Variants in PCDHA9 observed in about 807,000 individuals in gnomAD.
The protein encoded by PCDHA9 is protocadherin alpha-9.
PCDHA9 carries 62 observed loss-of-function variants against 62.0 expected under a neutral mutation model. The ratio of observed to expected loss-of-function variants is 1.00; its 90% CI spans 0.81 to 1.23. The LOEUF (loss-of-function observed/expected upper bound fraction) is 1.23, where lower values mean the gene tolerates loss of function less well. Ranked by LOEUF, PCDHA9 falls within the 50% of genes most tolerant of loss-of-function variation. The pLI, the probability that PCDHA9 is intolerant of heterozygous loss-of-function variation, is 0.00. For missense variants in PCDHA9, 1,205 were observed against 1,249.8 expected, an observed-to-expected ratio of 0.96 and a Z score of 0.54; for synonymous variants, 557 against 567.6, an observed-to-expected ratio of 0.98 and a Z score of 0.27.
chr5:140,883,731 C>A, intron 1 of PCDHA9: 1 of 1,613,446 alleles, frequency 6.2e-7, no homozygotes, highest in Non-Finnish European at 8.5e-7. Flanking sequence ...CAGGAGAACG[C>A]GCTGGTCTCC....
At chr5:140,928,397 C>T in intron 1 of PCDHA9, 1 of 1,614,082 alleles carries the variant, frequency 6.2e-7, no homozygotes, top group East Asian at 2.2e-5. Context: ...GCAGTGGAAT[C>T]ATCCAGTGGG....
intron 3 of PCDHA9, among the ~76,000 whole-genome samples, chr5:141,005,701 CAAAAAAAAAAAAAAAAAA>C (rs59860837): frequency 2.6e-4 from 2 of 7,786 alleles, no homozygotes; most frequent in Non-Finnish European, 5.4e-4. Flanking sequence ...AACTCCGTCT[CAAAAAAAAAAAAAAAAAA>C]AAAAAAAAAA....
At chr5:140,921,943 T>C (rs2080514176) in intron 1 of PCDHA9, among the ~76,000 whole-genome samples, 1 of 151,972 alleles carries the variant, frequency 6.6e-6, no homozygotes, top group South Asian at 2.1e-4. Context: ...AATTTTACAC[T>C]TGTAAAATCC....
chr5:140,882,126 T>C, intron 1 of PCDHA9: 1 of 1,466,718 alleles, frequency 6.8e-7, no homozygotes, highest in East Asian at 2.3e-5. Flanking sequence ...GTTTCTTTCT[T>C]CCTGCAGAAA....
chr5:140,885,870 A>T (rs1302417773), intron 1 of PCDHA9, among the ~76,000 whole-genome samples: 1 of 152,162 alleles, frequency 6.6e-6, no homozygotes, highest in African/African-American at 2.4e-5. Context: ...TATTGAAAAA[A>T]AATTTTTAGT....
chr5:140,987,228 TAATA>T (rs1459014222), intron 3 of PCDHA9, among the ~76,000 whole-genome samples: 2 of 149,038 alleles, frequency 1.3e-5, no homozygotes, highest in Non-Finnish European at 3.0e-5. Flanking sequence ...AAAAAAAAAA[TAATA>T]AATAAAGAAA....
At chr5:140,994,248 G>A (rs188394827) in intron 3 of PCDHA9, among the ~76,000 whole-genome samples, 1 of 152,238 alleles carries the variant, frequency 6.6e-6, no homozygotes, top group East Asian at 1.9e-4. Flanking sequence ...TCAAACCCTA[G>A]GTAAATAAGG....
Position 140,857,049 on chromosome 5 carries a change from C to T in PCDHA9, c.2394+6160C>T, listed in dbSNP as rs1390810771. On this transcript the variant is annotated intron_variant, in intron 1 of 3. Coordinates refer to ENST00000532602, the MANE Select transcript of PCDHA9 (RefSeq NM_031857.2). ...AACCCACCTATGGTTGGTCACTGCA[C>T]GGTCCTAGTGGAACTACTGGATGAA... 3.1e-6 allele frequency: 5 copies of T among 1,595,184 alleles called. No homozygotes were observed. In the African/African-American group the frequency reaches 5.4e-5, roughly 17 times the overall value.
At chr5:140,961,936 T>C (rs1163967895) in intron 1 of PCDHA9, among the ~76,000 whole-genome samples, 1 of 151,364 alleles carries the variant, frequency 6.6e-6, no homozygotes, top group Non-Finnish European at 1.5e-5. Flanking sequence ...CAGGCTGGAG[T>C]GCAGTGGCAT....
At chr5:140,950,551 G>T (rs1162032370) in intron 1 of PCDHA9, among the ~76,000 whole-genome samples, 1 of 151,932 alleles carries the variant, frequency 6.6e-6, no homozygotes, top group African/African-American at 2.4e-5. Context: ...CATGGCTGGG[G>T]GGACACTTAT....
chr5:140,907,648 G>T (rs2153502267), intron 1 of PCDHA9, among the ~76,000 whole-genome samples: 1 of 152,312 alleles, frequency 6.6e-6, no homozygotes, highest in East Asian at 1.9e-4. Flanking sequence ...TGGCAAATTG[G>T]GCACTCAGCA....
rs57893927 is a variant in PCDHA9 at position 140,946,631 on chromosome 5, T to TATATATAC, written c.2395-32317_2395-32316insTATATACA. Among the ~76,000 whole-genome samples the TATATATAC allele has an allele frequency of 9.9e-4, 130 of 131,716 alleles. 1 individual carries two copies. The highest frequency in any genetic ancestry group is 2.9e-3 in the East Asian group (14 of 4,862). 86.4% of individuals were successfully genotyped at this position (131,716 alleles called of 152,430 possible). A position where few individuals can be genotyped will look rare whatever the true frequency, so the allele number is the denominator to read the frequency against. ...TGTGAAATATATATATATATATATA[T>TATATATAC]ACAATGGAATACTCATCAGCCATTA... On this transcript the variant is annotated intron_variant, in intron 1 of 3. Coordinates refer to ENST00000532602, the MANE Select transcript of PCDHA9 (RefSeq NM_031857.2).
intron 1 of PCDHA9, among the ~76,000 whole-genome samples, chr5:140,950,183 GA>G (rs879992336): frequency 5.9e-5 from 9 of 151,666 alleles, no homozygotes; most frequent in African/African-American, 1.7e-4. Context: ...AATTAAGAAG[GA>G]AAAAAATAGT....
At chr5:140,932,349 C>A (rs2088248613) in intron 1 of PCDHA9, among the ~76,000 whole-genome samples, 1 of 151,900 alleles carries the variant, frequency 6.6e-6, no homozygotes, top group Admixed American at 6.6e-5. Flanking sequence ...ACTTACCATA[C>A]AACTGGCCTT....
intron 1 of PCDHA9, among the ~76,000 whole-genome samples, chr5:140,906,762 G>GAGAC (rs1413130419): frequency 6.6e-6 from 1 of 152,218 alleles, no homozygotes; most frequent in Non-Finnish European, 1.5e-5. Context: ...GTAATACTAA[G>GAGAC]AGACACCCTA....
chr5:140,908,795 A>C (rs2074156138), intron 1 of PCDHA9, among the ~76,000 whole-genome samples: 1 of 152,202 alleles, frequency 6.6e-6, no homozygotes, highest in South Asian at 2.1e-4. Context: ...TCTGTACTAC[A>C]TTAAAAAGTG....
chr5:140,871,061 A>T, intron 1 of PCDHA9: 1 of 1,613,200 alleles, frequency 6.2e-7, no homozygotes, highest in South Asian at 1.1e-5. Flanking sequence ...GTGAAGGATC[A>T]CGGTGAGCCG....
intron 1 of PCDHA9, among the ~76,000 whole-genome samples, chr5:140,888,197 C>G (rs190439070): frequency 4.6e-5 from 7 of 152,044 alleles, no homozygotes; most frequent in Non-Finnish European, 8.8e-5. Flanking sequence ...TTTACATTGT[C>G]GGATGCTGGA....
At chr5:140,928,061 C>T (rs2084900711) in intron 1 of PCDHA9, 1 of 1,614,192 alleles carries the variant, frequency 6.2e-7, no homozygotes, top group African/African-American at 1.3e-5. Flanking sequence ...CTGACGGCTT[C>T]CTTTGACAAC....
Sources: gnomAD v4.1 joint callset for allele counts (sites outside exome capture counted in the v4.1 genomes callset) on GRCh38, gnomAD v4.1.1 for gene constraint, MANE v1.5 for transcripts, NCBI Gene and HGNC (gene_info 2026-07-23, HGNC 2026-07-21) for gene names.